LCLAT1: variants seen among roughly 807,000 people sequenced by gnomAD.
LCLAT1 encodes 1-AGP acyltransferase 8.
A neutral mutation model predicts 30.7 loss-of-function variants in LCLAT1; 11 were observed. That is an observed-to-expected ratio of 0.36 (90% CI 0.23 to 0.59). The LOEUF (loss-of-function observed/expected upper bound fraction) is 0.59. LCLAT1 is among the 20% of genes least tolerant of loss of function. The pLI is 0.77. For missense variants in LCLAT1, 402 were observed against 458.6 expected, an observed-to-expected ratio of 0.88 and a Z score of 1.13; for synonymous variants, 155 against 151.3, an observed-to-expected ratio of 1.02 and a Z score of -0.18.
chr2:30,590,324 T>TA (rs574909158), intron 5 of LCLAT1, among the ~76,000 whole-genome samples: 1 of 24,562 alleles, frequency 4.1e-5, no homozygotes, highest in African/African-American at 1.4e-4. Context: ...TTTTGATAGA[T>TA]TTTTTTTTTT....
At chr2:30,597,159 G>GT (rs754964459) in intron 5 of LCLAT1, among the ~76,000 whole-genome samples, 22 of 150,866 alleles carry the variant, frequency 1.5e-4, no homozygotes, top group Non-Finnish European at 2.8e-4. Context: ...TTTTAAAAGA[G>GT]TTTTTTCTAA....
At chr2:30,466,099 T>C (rs1264439464) in intron 1 of LCLAT1, among the ~76,000 whole-genome samples, 2 of 152,164 alleles carry the variant, frequency 1.3e-5, no homozygotes, top group East Asian at 3.8e-4. Context: ...TTAAAAATGA[T>C]TAAATTTCCT....
chr2:30,527,916 C>T (rs191527937), intron 2 of LCLAT1, among the ~76,000 whole-genome samples: 116 of 152,258 alleles, frequency 7.6e-4, no homozygotes, highest in Non-Finnish European at 1.4e-3. Context: ...TACAGTAGAA[C>T]TATATTGACT....
intron 3 of LCLAT1, among the ~76,000 whole-genome samples, chr2:30,548,823 A>G (rs1286752849): frequency 6.6e-6 from 1 of 152,172 alleles, no homozygotes; most frequent in African/African-American, 2.4e-5. Flanking sequence ...ATGCCTGAGT[A>G]AGACTGGAAA....
intron 3 of LCLAT1, among the ~76,000 whole-genome samples, chr2:30,560,762 C>T (rs1187083821): frequency 1.3e-5 from 2 of 152,132 alleles, no homozygotes; most frequent in Non-Finnish European, 2.9e-5. Flanking sequence ...AAGGAACTGC[C>T]AGCTGAAATA....
At chr2:30,492,912 T>C (rs1056346664) in intron 1 of LCLAT1, among the ~76,000 whole-genome samples, 1 of 152,216 alleles carries the variant, frequency 6.6e-6, no homozygotes, top group Admixed American at 6.5e-5. Context: ...ACTGTAAATT[T>C]ATACCCTTAT....
intron 5 of LCLAT1, among the ~76,000 whole-genome samples, chr2:30,598,095 A>G (rs1336594560): frequency 6.6e-6 from 1 of 152,124 alleles, no homozygotes; most frequent in African/African-American, 2.4e-5. Context: ...TATTGGCCTG[A>G]AGTTTTCTTT....
intron 1 of LCLAT1, among the ~76,000 whole-genome samples, chr2:30,515,827 A>G (rs968982851): frequency 6.6e-6 from 1 of 152,190 alleles, no homozygotes; most frequent in Non-Finnish European, 1.5e-5. Context: ...GTTTTTAAAG[A>G]TTAAATATTT....
Position 30,640,510 on chromosome 2 carries a change from T to C in LCLAT1, c.1022T>C (p.Val341Ala), listed in dbSNP as rs771830089. Residue 341 changes from valine to alanine, a missense_variant, in exon 6 of 6, where the codon GTA becomes GCA. Val to Ala is a moderately conservative substitution (Grantham distance 64). Coordinates refer to ENST00000379509, the MANE Select transcript of LCLAT1 (RefSeq NM_001002257.3). ...LVKWYFIITI[V>A]IFVLQERIFG... ...AAGTGGTATTTTATAATCACCATTG[T>C]AATCTTTGTGCTGCAAGAGAGAATA... 6.2e-7 allele frequency: 1 copy of C among 1,614,196 alleles called. No individual in the cohort carries two copies. Among genetic ancestry groups the C allele is most frequent in the East Asian group, 2.2e-5 (1 of 44,878 alleles).
chr2:30,518,223 A>G (rs1162396812), intron 1 of LCLAT1, among the ~76,000 whole-genome samples: 1 of 152,222 alleles, frequency 6.6e-6, no homozygotes. Flanking sequence ...TTAACCCAGC[A>G]GATTTCCTAA....
At chr2:30,452,578 A>C (rs899372250) in intron 1 of LCLAT1, among the ~76,000 whole-genome samples, 11 of 152,206 alleles carry the variant, frequency 7.2e-5, no homozygotes, top group Non-Finnish European at 1.5e-5. Context: ...GATCAATACA[A>C]TACATGATAT....
chr2:30,450,228 T>G (rs754692069), intron 1 of LCLAT1, among the ~76,000 whole-genome samples: 9 of 152,250 alleles, frequency 5.9e-5, no homozygotes, highest in Non-Finnish European at 1.2e-4. Flanking sequence ...CAGTTACTTC[T>G]TCTGGGATGG....
intron 5 of LCLAT1, among the ~76,000 whole-genome samples, chr2:30,626,093 G>T (rs1668496713): frequency 6.6e-6 from 1 of 152,124 alleles, no homozygotes. Flanking sequence ...TCAATAAATA[G>T]TAATAGCCAC....
rs1478042384 is a variant in LCLAT1 at position 30,642,326 on chromosome 2, GTTA to G, written c.*1712_*1714del. ...TGATCCTGCTGGGAGCAACTAACTA[GTTA>G]TTATGCACATCTGCTCCAGACCCAG... On this transcript the variant is annotated 3_prime_UTR_variant, in exon 6 of 6. Transcript: ENST00000379509. The G allele has an allele frequency of 6.6e-6, 1 of 151,426 alleles. No individual in the cohort carries two copies. The highest frequency in any genetic ancestry group is 1.5e-5 in the Non-Finnish European group (1 of 67,926). The allele number at this position is 151,426 out of a possible 1,614,324, so 9.4% of individuals were successfully genotyped here. A position where few individuals can be genotyped will look rare whatever the true frequency, so the allele number is the denominator to read the frequency against.
At chr2:30,503,051 A>G (rs1280292376) in intron 1 of LCLAT1, among the ~76,000 whole-genome samples, 1 of 152,206 alleles carries the variant, frequency 6.6e-6, no homozygotes. Context: ...CATGCAAATT[A>G]AGGGGCAGGT....
chr2:30,455,745 A>T (rs1681799973), intron 1 of LCLAT1, among the ~76,000 whole-genome samples: 2 of 151,334 alleles, frequency 1.3e-5, no homozygotes, highest in African/African-American at 4.9e-5. Flanking sequence ...TGACTCTATA[A>T]AAAAAAATTA....
In LCLAT1 at chr2:30,640,779, GCTACAATTTTTTTT is replaced by G; in HGVS notation, c.*161_*174del. On this transcript the variant is annotated 3_prime_UTR_variant, in exon 6 of 6. Coordinates refer to ENST00000379509, the MANE Select transcript of LCLAT1 (RefSeq NM_001002257.3). ...CACTTAATTTTGTGGGAAAAATATT[GCTACAATTTTTTTT>G]AATCTCTGAATGTAATTTCGATACT... 1 of 900,160 alleles carries G rather than the reference GCTACAATTTTTTTT, an allele frequency of 1.1e-6. No individual in the cohort carries two copies. Among genetic ancestry groups the G allele is most frequent in the Non-Finnish European group, 1.6e-6 (1 of 618,014 alleles). The allele number at this position is 900,160 out of a possible 1,614,324, so 55.8% of individuals were successfully genotyped here. A position where few individuals can be genotyped will look rare whatever the true frequency, so the allele number is the denominator to read the frequency against.
intron 1 of LCLAT1, among the ~76,000 whole-genome samples, chr2:30,450,740 G>A (rs1043992457): frequency 2.6e-5 from 4 of 152,194 alleles, no homozygotes; most frequent in African/African-American, 9.6e-5. Context: ...TGAAGTCAAA[G>A]CAAGGGGGAG....
chr2:30,462,940 C>G (rs1558452954), intron 1 of LCLAT1, among the ~76,000 whole-genome samples: 1 of 152,020 alleles, frequency 6.6e-6, no homozygotes, highest in Non-Finnish European at 1.5e-5. Context: ...TACATGAACT[C>G]ACATCATTAT....
Sources: gnomAD v4.1 joint callset for allele counts (sites outside exome capture counted in the v4.1 genomes callset) on GRCh38, gnomAD v4.1.1 for gene constraint, MANE v1.5 for transcripts, NCBI Gene and HGNC (gene_info 2026-07-23, HGNC 2026-07-21) for gene names.